The following TPTE2 variants were observed in gnomAD, a reference collection of about 807,000 sequenced individuals.
TPTE2 encodes phosphatidylinositol 3,4,5-trisphosphate 3-phosphatase TPTE2.
TPTE2 carries 53 observed loss-of-function variants against 78.6 expected under a neutral mutation model. The ratio of observed to expected loss-of-function variants is 0.67; its 90% CI spans 0.54 to 0.85. TPTE2 has a LOEUF of 0.85. TPTE2 is among the 40% of genes least tolerant of loss of function. The pLI is 0.00. For synonymous variants in TPTE2, 175 were observed against 206.2 expected (o/e 0.85, Z 1.30); for missense variants, 461 against 623.0 (o/e 0.74, Z 2.77).
intron 6 of TPTE2, among the ~76,000 whole-genome samples, chr13:19,472,008 G>C (rs1879646670): frequency 6.6e-6 from 1 of 152,118 alleles, no homozygotes. Flanking sequence ...CTCCTGGCCT[G>C]AAACGTTTCT....
chr13:19,460,347 C>T (rs566675796), intron 10 of TPTE2, among the ~76,000 whole-genome samples: 2 of 152,246 alleles, frequency 1.3e-5, no homozygotes, highest in Non-Finnish European at 2.9e-5. Context: ...CCATCGCACC[C>T]TCTGCCTGCT....
At chr13:19,468,102 G>A (rs1464346143) in intron 6 of TPTE2, among the ~76,000 whole-genome samples, 11 of 119,198 alleles carry the variant, frequency 9.2e-5, no homozygotes, top group Non-Finnish European at 1.3e-4. Context: ...GTGCAATGGC[G>A]TGATCTCGGC....
At chr13:19,537,978 T>C (rs1871304755), upstream of TPTE2, among the ~76,000 whole-genome samples, 1 of 152,188 alleles carries the variant, frequency 6.6e-6, no homozygotes, top group African/African-American at 2.4e-5. Flanking sequence ...AATAAGTAGA[T>C]TCATAAATGG....
chr13:19,439,531 T>C (rs1434766528), intron 13 of TPTE2, among the ~76,000 whole-genome samples: 108 of 152,184 alleles, frequency 7.1e-4, no homozygotes, highest in Non-Finnish European at 1.3e-3. Flanking sequence ...GAAGGACCCA[T>C]GCAAGAATTC....
chr13:19,479,044 G>T (rs1018233309), intron 4 of TPTE2, among the ~76,000 whole-genome samples: 12 of 152,088 alleles, frequency 7.9e-5, no homozygotes, highest in African/African-American at 2.9e-4. Context: ...AGCATTAGGA[G>T]ATACACCTAA....
chr13:19,430,992 T>G (rs1295403082), intron 16 of TPTE2, among the ~76,000 whole-genome samples: 1 of 151,886 alleles, frequency 6.6e-6, no homozygotes. Context: ...CCAGGCGTGG[T>G]GGCACATGCC....
intron 13 of TPTE2, among the ~76,000 whole-genome samples, chr13:19,441,095 A>C (rs1593355690): frequency 1.3e-5 from 2 of 152,110 alleles, no homozygotes; most frequent in South Asian, 4.1e-4. Context: ...CTCAAAAAAA[A>C]AAAAAATAAT....
the TPTE2 span, among the ~76,000 whole-genome samples, chr13:19,547,170 T>C: frequency 1.3e-5 from 2 of 151,126 alleles, no homozygotes; most frequent in Non-Finnish European, 2.9e-5. Context: ...CATAAGACAG[T>C]GGGGTAGCCG....
chr13:19,464,659 A>G, intron 9 of TPTE2, 139 bp from the exon 13 acceptor site: 1 of 834,448 alleles, frequency 1.2e-6, no homozygotes, highest in Non-Finnish European at 1.9e-6. Context: ...AAGAGCTAAT[A>G]CTCAGGATAA....
chr13:19,449,335 G>T, intron 13 of TPTE2, among the ~76,000 whole-genome samples: 1 of 152,064 alleles, frequency 6.6e-6, no homozygotes. Flanking sequence ...CACCACATCC[G>T]GCTAATGTTT....
intron 13 of TPTE2, among the ~76,000 whole-genome samples, chr13:19,447,773 T>G (rs1877930977): frequency 2.0e-5 from 3 of 152,170 alleles, no homozygotes; most frequent in African/African-American, 7.2e-5. Flanking sequence ...TAAACCTGAA[T>G]GAGAGAAAAT....
chr13:19,452,243 T>A (rs534253354), intron 10 of TPTE2, among the ~76,000 whole-genome samples: 16 of 152,200 alleles, frequency 1.1e-4, no homozygotes, highest in Non-Finnish European at 2.1e-4. Context: ...AAATCACATA[T>A]AAAAACTATA....
intron 15 of TPTE2, among the ~76,000 whole-genome samples, chr13:19,434,605 T>TTTC: frequency 6.6e-6 from 1 of 152,020 alleles, no homozygotes; most frequent in Middle Eastern, 3.2e-3. Flanking sequence ...TGTTTTGTTT[T>TTTC]GTTTGGGGCT....
chr13:19,537,932 T>G (rs1399610053), upstream of TPTE2, among the ~76,000 whole-genome samples: 1 of 152,120 alleles, frequency 6.6e-6, no homozygotes, highest in Non-Finnish European at 1.5e-5. Context: ...TGCACTATTT[T>G]TCCTCTGGGC....
At chr13:19,469,525 A>G (rs1169630513) in intron 6 of TPTE2, among the ~76,000 whole-genome samples, 4 of 152,198 alleles carry the variant, frequency 2.6e-5, no homozygotes, top group Non-Finnish European at 5.9e-5. Context: ...GAGGCTCCAT[A>G]TAAATTTTAA....
At chr13:19,451,337 C>T in intron 10 of TPTE2, 112 bp from the exon 14 acceptor site, 4 of 1,319,474 alleles carry the variant, frequency 3.0e-6, no homozygotes, top group Non-Finnish European at 4.2e-6. Context: ...TCACTAGCAT[C>T]TTCTAGGGGA....
At chr13:19,559,524 G>A in the TPTE2 span, among the ~76,000 whole-genome samples, 3 of 148,446 alleles carry the variant, frequency 2.0e-5, no homozygotes, top group South Asian at 6.6e-4. Context: ...CCTGCTTGGA[G>A]TTATTGCTTC....
At chr13:19,472,445 G>A (rs190260863) in intron 6 of TPTE2, among the ~76,000 whole-genome samples, 1 of 152,266 alleles carries the variant, frequency 6.6e-6, no homozygotes, top group Admixed American at 6.5e-5. Flanking sequence ...GCTATTAAAA[G>A]ACTCTAATGC....
intron 16 of TPTE2, among the ~76,000 whole-genome samples, chr13:19,430,815 T>G (rs1593345699): frequency 6.6e-6 from 1 of 152,198 alleles, no homozygotes; most frequent in African/African-American, 2.4e-5. Flanking sequence ...CATCACTTTA[T>G]CTTTCCAGAA....
Sources: gnomAD v4.1 joint callset for allele counts (sites outside exome capture counted in the v4.1 genomes callset) on GRCh38, gnomAD v4.1.1 for gene constraint, MANE v1.5 for transcripts, NCBI Gene and HGNC (gene_info 2026-07-23, HGNC 2026-07-21) for gene names.